Variants in MCC observed in about 807,000 individuals in gnomAD.
MCC encodes the protein MCC regulator of Wnt signaling pathway.
In MCC, 90 loss-of-function variants were observed where a neutral mutation model predicts 116.2. That is an observed-to-expected ratio of 0.77 (90% CI 0.65 to 0.92). The LOEUF (loss-of-function observed/expected upper bound fraction) is 0.92. Among genes scored for constraint, MCC ranks in the 40% least tolerant of loss-of-function variants. The pLI is 0.00. For missense variants in MCC, 1,516 were observed against 1,312.2 expected, an observed-to-expected ratio of 1.16 and a Z score of -2.40; for synonymous variants, 578 against 510.5, an observed-to-expected ratio of 1.13 and a Z score of -1.78.
intron 5 of MCC, among the ~76,000 whole-genome samples, chr5:113,126,787 TTAAG>T (rs1561378829): frequency 1.3e-5 from 2 of 152,168 alleles, no homozygotes; most frequent in Admixed American, 6.5e-5. Context: ...CTATTAGTAG[TTAAG>T]TTTTTGGTGA....
rs143783844 is a variant in MCC at position 113,379,083 on chromosome 5, C to T, written c.415+5885G>A. Among the ~76,000 whole-genome samples, 295 of 152,304 alleles carry T rather than the reference C, an allele frequency of 1.9e-3. 6 individuals carry two copies. In the East Asian group the frequency reaches 0.02, roughly 10 times the overall value. On this transcript the variant is annotated intron_variant, in intron 2 of 18. Coordinates refer to ENST00000408903, the MANE Select transcript of MCC (RefSeq NM_001085377.2). ...GATGGGCTTTCACTAACACGAATTG[C>T]CCTCAGACCCTGCCTCAAGTCCCTG...
intron 8 of MCC, among the ~76,000 whole-genome samples, chr5:113,090,143 G>T (rs952245862): frequency 6.6e-6 from 1 of 152,114 alleles, no homozygotes; most frequent in Non-Finnish European, 1.5e-5. Context: ...GGAGCTGGCA[G>T]GAGTGGAGGG....
chr5:113,245,997 G>T (rs1031822647), intron 3 of MCC, among the ~76,000 whole-genome samples: 1 of 152,174 alleles, frequency 6.6e-6, no homozygotes, highest in African/African-American at 2.4e-5. Flanking sequence ...TGTTATAAAG[G>T]CTTTTGAGAT....
At chr5:113,303,573 A>T (rs1280693757) in intron 3 of MCC, among the ~76,000 whole-genome samples, 1 of 152,258 alleles carries the variant, frequency 6.6e-6, no homozygotes, top group East Asian at 1.9e-4. Flanking sequence ...CCTTGAGAGA[A>T]TCAATGTCAT....
At chr5:113,037,228 G>T (rs1377374425) in intron 17 of MCC, among the ~76,000 whole-genome samples, 2 of 152,182 alleles carry the variant, frequency 1.3e-5, no homozygotes, top group East Asian at 3.8e-4. Flanking sequence ...GTCAACTAGG[G>T]TCATCCTTTT....
intron 3 of MCC, among the ~76,000 whole-genome samples, chr5:113,171,928 T>C (rs1409751858): frequency 6.6e-6 from 1 of 152,158 alleles, no homozygotes; most frequent in African/African-American, 2.4e-5. Flanking sequence ...TCTCCCATGG[T>C]TCTTAGCAAA....
Position 113,276,235 on chromosome 5 carries a change from A to G in MCC, c.627+64284T>C, listed in dbSNP as rs966335806. Reference sequence around the variant, plus strand: ...TTCACCATTGTAAAGGCATTCTTAAATAAGCAACAGGCTGGAGACTGAGTA... The same window carrying G: ...TTCACCATTGTAAAGGCATTCTTAAGTAAGCAACAGGCTGGAGACTGAGTA... On this transcript the variant is annotated intron_variant, in intron 3 of 18. Coordinates refer to ENST00000408903, the MANE Select transcript of MCC (RefSeq NM_001085377.2). Among the ~76,000 whole-genome samples, 3 of 152,206 alleles carry G rather than the reference A, an allele frequency of 2.0e-5. No homozygotes were observed. The East Asian group carries it at 5.8e-4, about 29-fold the overall frequency.
intron 3 of MCC, chr5:113,294,511 C>T: frequency 2.6e-6 from 4 of 1,534,382 alleles, no homozygotes; most frequent in Non-Finnish European, 3.5e-6. Context: ...CCATTTTCAC[C>T]CAGGACAGTT....
chr5:113,291,366 C>T (rs1211585172), intron 3 of MCC, among the ~76,000 whole-genome samples: 1 of 152,144 alleles, frequency 6.6e-6, no homozygotes, highest in Non-Finnish European at 1.5e-5. Context: ...AGATGACAAC[C>T]AGAAATTGAT....
chr5:113,029,085 G>A (rs765431745), intron 17 of MCC, 29 bp from the exon 18 acceptor site: 1 of 1,593,066 alleles, frequency 6.3e-7, no homozygotes, highest in Non-Finnish European at 8.6e-7. Flanking sequence ...AATATGCCAG[G>A]AGTAGTTTGA....
chr5:113,379,618 T>C (rs1769065532), intron 2 of MCC, among the ~76,000 whole-genome samples: 1 of 152,238 alleles, frequency 6.6e-6, no homozygotes, highest in South Asian at 2.1e-4. Context: ...TAATAAATAC[T>C]AGTAATTTTA....
chr5:113,346,192 G>C (rs1292528451), intron 2 of MCC, among the ~76,000 whole-genome samples: 1 of 151,858 alleles, frequency 6.6e-6, no homozygotes, highest in Non-Finnish European at 1.5e-5. Context: ...AAAGAAAAAA[G>C]AATAAAAAAA....
intron 3 of MCC, among the ~76,000 whole-genome samples, chr5:113,305,726 G>A (rs551330742): frequency 3.9e-5 from 6 of 152,196 alleles, no homozygotes; most frequent in African/African-American, 7.2e-5. Context: ...ACAGTTTTCC[G>A]TAATGTCATT....
intron 6 of MCC, among the ~76,000 whole-genome samples, chr5:113,122,245 T>C (rs1337034108): frequency 1.3e-5 from 2 of 152,210 alleles, no homozygotes; most frequent in African/African-American, 2.4e-5. Flanking sequence ...ATGATCATTC[T>C]CTTAGTCACT....
intron 1 of MCC, among the ~76,000 whole-genome samples, chr5:113,443,166 A>G (rs1771097013): frequency 8.3e-6 from 1 of 120,412 alleles, no homozygotes; most frequent in Non-Finnish European, 1.6e-5. Flanking sequence ...GTGTCCTCTC[A>G]TTTCCTTGAG....
At chr5:113,342,753 A>G (rs912812241) in intron 2 of MCC, among the ~76,000 whole-genome samples, 3 of 152,254 alleles carry the variant, frequency 2.0e-5, no homozygotes, top group Non-Finnish European at 2.9e-5. Flanking sequence ...CCTAGGCTGC[A>G]TGCCTCTAGC....
intron 8 of MCC, among the ~76,000 whole-genome samples, chr5:113,089,605 T>C (rs533860738): frequency 6.6e-6 from 1 of 152,362 alleles, no homozygotes; most frequent in African/African-American, 2.4e-5. Context: ...GGAAATGTTC[T>C]AGAGTGGCAC....
chr5:113,316,281 A>T (rs969680755), intron 3 of MCC, among the ~76,000 whole-genome samples: 14 of 151,854 alleles, frequency 9.2e-5, no homozygotes, highest in Non-Finnish European at 1.8e-4. Context: ...AGAAAGAGAT[A>T]TGTTATATTA....
chr5:113,074,678 T>C (rs549740120), intron 11 of MCC, among the ~76,000 whole-genome samples: 2 of 152,192 alleles, frequency 1.3e-5, no homozygotes, highest in Non-Finnish European at 1.5e-5. Context: ...ATAAACAGTG[T>C]AGACAAGTCC....
Sources: allele counts gnomAD v4.1 joint callset (sites outside exome capture counted in the v4.1 genomes callset), GRCh38; gene constraint gnomAD v4.1.1; transcripts MANE v1.5; gene names NCBI Gene and HGNC (gene_info 2026-07-23, HGNC 2026-07-21).